TBCD: variants seen among roughly 807,000 people sequenced by gnomAD.
TBCD encodes the protein tubulin folding cofactor D.
A neutral mutation model predicts 169.3 loss-of-function variants in TBCD; 105 were observed. That is an observed-to-expected ratio of 0.62 (90% CI 0.53 to 0.73). TBCD has a LOEUF of 0.73. TBCD is among the 30% of genes least tolerant of loss of function. The pLI, the probability that TBCD is intolerant of heterozygous loss-of-function variation, is 0.00. For missense variants in TBCD, 1,444 were observed against 1,600.1 expected (o/e 0.90, Z 1.66); for synonymous variants, 700 against 643.9 (o/e 1.09, Z -1.32).
chr17:82,886,652 TCCCC>T (rs2058725786), intron 15 of TBCD, among the ~76,000 whole-genome samples: 1 of 2,170 alleles, frequency 4.6e-4, no homozygotes, highest in African/African-American at 1.2e-3. Flanking sequence ...TCCCCTCCCC[TCCCC>T]TCCCCTCCCC....
rs2057862527 is a variant in TBCD at position 82,874,939 on chromosome 17, A to G, written c.1475+4559A>G. Among the ~76,000 whole-genome samples, 1 of 152,246 alleles carries G rather than the reference A, an allele frequency of 6.6e-6. No homozygotes were observed. Among genetic ancestry groups the G allele is most frequent in the Non-Finnish European group, 1.5e-5 (1 of 68,042 alleles). On this transcript the variant is annotated intron_variant, in intron 14 of 38. Coordinates refer to ENST00000355528, the MANE Select transcript of TBCD (RefSeq NM_005993.5). This position sits in a 1 kb window ranked among gnomAD's most constrained non-coding sequence, Gnocchi z 5.0. ...CCTGTAACAGTGGGTGCTTGGGATC[A>G]GAGCATCAGAGTGGAATTTTCGCAG... is the stretch of plus-strand genomic sequence containing the variant.
chr17:82,829,717 C>G (rs1392395601), intron 13 of TBCD: 1 of 178,382 alleles, frequency 5.6e-6, no homozygotes, highest in South Asian at 1.2e-4. Context: ...TTACATATGG[C>G]ACTTTAATGT....
At chr17:82,939,534 C>A in intron 37 of TBCD, 58 bp downstream of exon 37, 2 of 1,362,864 alleles carry the variant, frequency 1.5e-6, no homozygotes, top group Non-Finnish European at 2.1e-6. Flanking sequence ...CTCTTCCTGT[C>A]CCCACCGTGT....
At chr17:82,791,479 C>T (rs188265210) in intron 7 of TBCD, among the ~76,000 whole-genome samples, 1 of 152,238 alleles carries the variant, frequency 6.6e-6, no homozygotes, top group African/African-American at 2.4e-5. Context: ...TGCGTGGGCT[C>T]GCTGCTCCTC....
At chr17:82,840,896 C>T (rs2054426989) in intron 13 of TBCD, among the ~76,000 whole-genome samples, 1 of 144,262 alleles carries the variant, frequency 6.9e-6, no homozygotes, top group Non-Finnish European at 1.5e-5. Flanking sequence ...CCTGAGGCTG[C>T]AGGGCAGAGG....
intron 37 of TBCD, among the ~76,000 whole-genome samples, chr17:82,940,447 G>A (rs909314047): frequency 2.0e-5 from 3 of 152,136 alleles, no homozygotes; most frequent in Non-Finnish European, 4.4e-5. Flanking sequence ...TGGGGTCCAC[G>A]CCCCTTGTTG....
chr17:82,834,805 A>G (rs2053828670), intron 13 of TBCD, among the ~76,000 whole-genome samples: 1 of 152,204 alleles, frequency 6.6e-6, no homozygotes, highest in African/African-American at 2.4e-5. Flanking sequence ...TGATGGGTAC[A>G]GTAAACCACC....
chr17:82,862,749 C>T (rs1260453679), intron 13 of TBCD, among the ~76,000 whole-genome samples: 1 of 152,238 alleles, frequency 6.6e-6, no homozygotes, highest in Non-Finnish European at 1.5e-5. Flanking sequence ...GCCTCTCTGC[C>T]TGTGCACGTG....
intron 27 of TBCD, among the ~76,000 whole-genome samples, chr17:82,925,850 G>A (rs1294993749): frequency 2.6e-5 from 4 of 152,200 alleles, no homozygotes; most frequent in Admixed American, 6.5e-5. Flanking sequence ...ACAAAAGGGG[G>A]GGACCTCAGG....
chr17:82,910,456 T>C (rs900799513), intron 22 of TBCD, among the ~76,000 whole-genome samples: 7 of 152,252 alleles, frequency 4.6e-5, no homozygotes, highest in African/African-American at 1.7e-4. Flanking sequence ...TTTTATCGTC[T>C]GTCTTATTGA....
intron 16 of TBCD, among the ~76,000 whole-genome samples, chr17:82,891,019 C>T (rs527828733): frequency 8.5e-5 from 13 of 152,350 alleles, no homozygotes; most frequent in African/African-American, 3.1e-4. Context: ...CCTCCAGAGC[C>T]CCCACTGGAG....
chr17:82,909,264 C>CT, intron 21 of TBCD, 21 bp from the exon 22 acceptor site: 2 of 1,490,978 alleles, frequency 1.3e-6, no homozygotes, highest in Non-Finnish European at 1.8e-6. Context: ...CATTAAATAA[C>CT]TTTCAGTTTT....
intron 29 of TBCD, 36 bp from the exon 30 acceptor site, chr17:82,927,869 C>G (rs770738882): frequency 5.6e-6 from 9 of 1,596,336 alleles, no homozygotes; most frequent in Non-Finnish European, 7.7e-6. Flanking sequence ...ACCCCCCTCT[C>G]AAGCTGGGTG....
chr17:82,830,421 C>T, intron 13 of TBCD: 1 of 1,611,782 alleles, frequency 6.2e-7, no homozygotes, highest in Non-Finnish European at 8.5e-7. Flanking sequence ...CTGCCGTCTG[C>T]TTCTGCTCCT....
chr17:82,815,681 C>T (rs1280844213), intron 13 of TBCD, among the ~76,000 whole-genome samples: 1 of 152,212 alleles, frequency 6.6e-6, no homozygotes, highest in East Asian at 1.9e-4. Context: ...AGTGGGGGCC[C>T]ATCCTGAGAG....
At chr17:82,814,071 G>A (rs1435099740) in intron 12 of TBCD, among the ~76,000 whole-genome samples, 23 of 152,160 alleles carry the variant, frequency 1.5e-4, no homozygotes, top group Non-Finnish European at 8.8e-5. Flanking sequence ...AAATTAGTAC[G>A]TATAAAATAT....
Position 82,832,291 on chromosome 17 carries a change from A to G in TBCD, c.1318+17357A>G, listed in dbSNP as rs749514638. 1.9e-6 allele frequency: 3 copies of G among 1,614,250 alleles called. No individual in the cohort carries two copies. Among genetic ancestry groups the G allele is most frequent in the South Asian group, 1.1e-5 (1 of 91,088 alleles). ...GGGAACTCGATCCTGCTCTGATACT[A>G]AAGTAATCGAGTTTTTACAAAGACC... On this transcript the variant is annotated intron_variant, in intron 13 of 38. Transcript: ENST00000355528. The surrounding 1 kb of genome is among the most constrained non-coding windows in gnomAD (Gnocchi z 4.9).
At chr17:82,887,158 TGTGTGTGTGTGCGCGCGCGCGCAC>T (rs1484229846) in intron 15 of TBCD, among the ~76,000 whole-genome samples, 13 of 108,256 alleles carry the variant, frequency 1.2e-4, no homozygotes, top group African/African-American at 5.9e-4. Flanking sequence ...TGTGTGTGTG[TGTGTGTGTGTGCGCGCGCGCGCAC>T]GTGCGCTCAC....
intron 18 of TBCD, among the ~76,000 whole-genome samples, chr17:82,902,107 T>C (rs1479665752): frequency 6.6e-6 from 1 of 152,184 alleles, no homozygotes; most frequent in African/African-American, 2.4e-5. Flanking sequence ...GGGTCACTTA[T>C]TGGAGGCAGA....
Sources: allele counts gnomAD v4.1 joint callset (sites outside exome capture counted in the v4.1 genomes callset), GRCh38; gene constraint gnomAD v4.1.1; non-coding constraint Gnocchi (gnomAD v3.1); transcripts MANE v1.5; gene names NCBI Gene and HGNC (gene_info 2026-07-23, HGNC 2026-07-21).